The following JMJD1C variants were observed in gnomAD, a reference collection of about 807,000 sequenced individuals.
JMJD1C encodes jumonji domain-containing protein 1C.
JMJD1C carries 31 observed loss-of-function variants against 245.3 expected under a neutral mutation model. The observed-to-expected ratio is 0.13, with a 90% CI of 0.09 to 0.17. The LOEUF is 0.17. JMJD1C is among the 10% of genes least tolerant of loss of function. The pLI, the probability that JMJD1C is intolerant of heterozygous loss-of-function variation, is 1.00. For synonymous variants in JMJD1C, 1,057 were observed against 1,017.4 expected (o/e 1.04, Z -0.74); for missense variants, 2,691 against 3,000.2 (o/e 0.90, Z 2.41).
At chr10:63,171,007 T>C (rs1333124391) in intron 24 of JMJD1C, among the ~76,000 whole-genome samples, 1 of 152,226 alleles carries the variant, frequency 6.6e-6, no homozygotes, top group African/African-American at 2.4e-5. Context: ...GTGATTGCTA[T>C]TTACTCAGTT....
chr10:63,337,385 T>A (rs1335555171), intron 2 of JMJD1C, among the ~76,000 whole-genome samples: 1 of 135,074 alleles, frequency 7.4e-6, no homozygotes, highest in Non-Finnish European at 1.5e-5. Context: ...AACCTTGCAG[T>A]GAGCCGAGGT....
rs1845942906 is a variant in JMJD1C, at chr10:63,200,987, A to T, written c.5075-310T>A. On this transcript the variant is annotated intron_variant, in intron 10 of 25. Transcript: ENST00000399262. Reference sequence around the variant, plus strand: ...ATGTATGTATAATAGCAAACATAAGAATCATTCATATTCTGTGTATATCAA... The same window carrying T: ...ATGTATGTATAATAGCAAACATAAGTATCATTCATATTCTGTGTATATCAA... 2.0e-5 allele frequency among the ~76,000 whole-genome samples: 3 copies of T among 152,220 alleles called. No individual in the cohort carries two copies. In the South Asian group the frequency reaches 6.2e-4, roughly 31 times the overall value.
upstream of JMJD1C, chr10:63,466,175 T>G (rs368524100): frequency 4.5e-4 from 84 of 187,452 alleles, no homozygotes; most frequent in African/African-American, 1.9e-3. Flanking sequence ...GACGAAAAAA[T>G]GAAGAGGGCC....
intron 2 of JMJD1C, among the ~76,000 whole-genome samples, chr10:63,343,545 G>A (rs903714740): frequency 1.3e-5 from 2 of 151,816 alleles, no homozygotes; most frequent in Non-Finnish European, 2.9e-5. Context: ...ACCTTACATC[G>A]CTGCTTCTAC....
chr10:63,276,841 C>T (rs1029316806), intron 2 of JMJD1C, among the ~76,000 whole-genome samples: 15 of 149,170 alleles, frequency 1.0e-4, no homozygotes, highest in Non-Finnish European at 1.9e-4. Context: ...GATATTGAAG[C>T]TTATACAGCA....
chr10:63,452,201 G>A (rs1356254519), intron 1 of JMJD1C, among the ~76,000 whole-genome samples: 2 of 152,068 alleles, frequency 1.3e-5, no homozygotes, highest in Non-Finnish European at 2.9e-5. Context: ...AGCTGATAAG[G>A]TACTAATAAC....
chr10:63,251,156 G>A (rs565395568), intron 3 of JMJD1C, among the ~76,000 whole-genome samples: 31 of 152,072 alleles, frequency 2.0e-4, no homozygotes, highest in Non-Finnish European at 2.6e-4. Flanking sequence ...CTCATATATC[G>A]TGTTGTTGAT....
At chr10:63,363,047 T>C (rs939519602) in intron 2 of JMJD1C, among the ~76,000 whole-genome samples, 1 of 151,972 alleles carries the variant, frequency 6.6e-6, no homozygotes, top group Non-Finnish European at 1.5e-5. Flanking sequence ...ATGAAATAAA[T>C]GGGGCTGAAA....
At chr10:63,294,744 TG>T (rs1347438718) in intron 2 of JMJD1C, among the ~76,000 whole-genome samples, 1 of 152,234 alleles carries the variant, frequency 6.6e-6, no homozygotes. Context: ...TATTTATGCA[TG>T]TATCTGTCTC....
chr10:63,291,614 TA>T (rs10650646), intron 2 of JMJD1C, among the ~76,000 whole-genome samples: 1,494 of 142,950 alleles, frequency 0.01, 21 homozygotes, highest in African/African-American at 0.035. Context: ...AAACTCCATC[TA>T]AAAAAAAAAA....
intron 2 of JMJD1C, among the ~76,000 whole-genome samples, chr10:63,274,003 C>A (rs1423598243): frequency 6.6e-6 from 1 of 152,202 alleles, no homozygotes; most frequent in South Asian, 2.1e-4. Context: ...CCTAAACAAA[C>A]CACTGGATTT....
chr10:63,428,556 G>A (rs1950570868), intron 1 of JMJD1C, among the ~76,000 whole-genome samples: 2 of 152,138 alleles, frequency 1.3e-5, no homozygotes, highest in South Asian at 4.1e-4. Flanking sequence ...CTTTGGAATA[G>A]ATGAGAAACT....
intron 2 of JMJD1C, among the ~76,000 whole-genome samples, chr10:63,302,628 T>C (rs1860240191): frequency 6.6e-6 from 1 of 152,234 alleles, no homozygotes. Flanking sequence ...GAATAATGTA[T>C]GAATATAAAA....
chr10:63,353,620 A>G (rs7912797), intron 2 of JMJD1C, among the ~76,000 whole-genome samples: 94,954 of 151,338 alleles, frequency 0.63, 32,501 homozygotes, highest in Non-Finnish European at 0.78. Context: ...AGTTCAAGTG[A>G]TTCTCCTGCC....
intron 17 of JMJD1C, among the ~76,000 whole-genome samples, chr10:63,190,265 C>T (rs368476492): frequency 7.9e-5 from 12 of 151,892 alleles, no homozygotes; most frequent in South Asian, 2.1e-4. Context: ...AGTGTAGTGG[C>T]GTGATCTCGG....
chr10:63,450,890 T>A (rs1952022082), intron 1 of JMJD1C, among the ~76,000 whole-genome samples: 1 of 146,798 alleles, frequency 6.8e-6, no homozygotes. Flanking sequence ...ATTTGTTATG[T>A]ACAAAACCCT....
chr10:63,241,346 C>T (rs1851460560), intron 3 of JMJD1C, among the ~76,000 whole-genome samples: 3 of 152,084 alleles, frequency 2.0e-5, no homozygotes, highest in Non-Finnish European at 2.9e-5. Flanking sequence ...TGACAGAAGA[C>T]GAGCAGTAAA....
chr10:63,230,372 C>T (rs1247099016), intron 3 of JMJD1C, among the ~76,000 whole-genome samples: 2 of 152,078 alleles, frequency 1.3e-5, no homozygotes, highest in South Asian at 4.1e-4. Context: ...GACTCTGTTT[C>T]GAAAAAATTC....
intron 2 of JMJD1C, among the ~76,000 whole-genome samples, chr10:63,364,139 A>C (rs546612804): frequency 3.0e-4 from 45 of 152,090 alleles, no homozygotes; most frequent in Admixed American, 1.8e-3. Flanking sequence ...TGCCGGGATT[A>C]CAGGTGTGAG....
Sources: allele counts gnomAD v4.1 joint callset (sites outside exome capture counted in the v4.1 genomes callset), GRCh38; gene constraint gnomAD v4.1.1; transcripts MANE v1.5; gene names NCBI Gene and HGNC (gene_info 2026-07-23, HGNC 2026-07-21).